PRKCH: variants seen among roughly 807,000 people sequenced by gnomAD.
The protein encoded by PRKCH is protein kinase C eta.
A neutral mutation model predicts 82.5 loss-of-function variants in PRKCH; 28 were observed. The ratio of observed to expected loss-of-function variants is 0.34; its 90% CI spans 0.25 to 0.47. The LOEUF (loss-of-function observed/expected upper bound fraction) is 0.47. PRKCH is among the 20% of genes least tolerant of loss of function. The pLI is 1.00. For missense variants in PRKCH, 705 were observed against 881.8 expected, an observed-to-expected ratio of 0.80 and a Z score of 2.54; for synonymous variants, 322 against 327.4, an observed-to-expected ratio of 0.98 and a Z score of 0.18.
At chr14:61,324,511 A>G (rs1204632981) in intron 1 of PRKCH, among the ~76,000 whole-genome samples, 2 of 152,142 alleles carry the variant, frequency 1.3e-5, no homozygotes, top group Non-Finnish European at 2.9e-5. Flanking sequence ...GATATGGAAC[A>G]TAGGTTGGGC....
chr14:61,259,752 C>G (rs1253257958), intron 1 of PRKCH, among the ~76,000 whole-genome samples: 2 of 152,042 alleles, frequency 1.3e-5, no homozygotes, highest in Non-Finnish European at 2.9e-5. Flanking sequence ...GGATTTCTAA[C>G]TAGGGTAGTT....
chr14:61,241,853 C>T lies in PRKCH; in HGVS notation c.-19+54185C>T, dbSNP rs561641364. ...TGTGGACTTAGCTCCTTGATAGAAG[C>T]GCGTTTTATGAGATGAAGCGTGTTT... is the stretch of plus-strand genomic sequence containing the variant. On this transcript the variant is annotated intron_variant, in intron 1 of 3. Coordinates refer to the PRKCH transcript ENST00000555185. 1.7e-3 allele frequency among the ~76,000 whole-genome samples: 256 copies of T among 152,210 alleles called. 7 individuals are homozygous for T. In the South Asian group the frequency reaches 0.049, roughly 29 times the overall value.
At chr14:61,408,389 A>G (rs1322559528) in intron 2 of PRKCH, among the ~76,000 whole-genome samples, 2 of 152,124 alleles carry the variant, frequency 1.3e-5, no homozygotes, top group African/African-American at 4.8e-5. Flanking sequence ...ATGCCCCCCA[A>G]AAGTTAATTT....
At chr14:61,188,586 TGTCGGGGGGGTGGGGGGGTGGTGTG>T (rs1287198816) in intron 1 of PRKCH, among the ~76,000 whole-genome samples, 7 of 67,356 alleles carry the variant, frequency 1.0e-4, no homozygotes, top group East Asian at 4.1e-4. Context: ...TGTGTGTGTG[TGTCGGGGGGGTGGGGGGGTGGTGTG>T]GTGTGTGTGT....
At chr14:61,482,977 A>T (rs1441250781) in intron 9 of PRKCH, among the ~76,000 whole-genome samples, 1 of 152,244 alleles carries the variant, frequency 6.6e-6, no homozygotes, top group African/African-American at 2.4e-5. Context: ...CCACTGACCC[A>T]GTTCCAGTAG....
Position 61,549,727 on chromosome 14 carries a change from A to C in PRKCH, c.1948A>C (p.Lys650Gln). ...DVSNFDPDFI[K>Q]EEPVLTPIDE... ...CAGTAATTTTGACCCTGACTTCATAAAGGAAGAGCCAGTTTTAACTCCAAT... is the reference window on the plus strand; with the variant it reads ...CAGTAATTTTGACCCTGACTTCATACAGGAAGAGCCAGTTTTAACTCCAAT... Residue 650 changes from lysine to glutamine, a missense_variant, in exon 14 of 14, where the codon AAG becomes CAG. Lys to Gln is a moderately conservative substitution (Grantham distance 53). This residue lies in a region of PRKCH where 91 missense variants were observed against 81.2 expected (regional missense o/e 1.12). Transcript: ENST00000332981. 1 of 1,613,880 alleles carries C rather than the reference A, an allele frequency of 6.2e-7. No homozygotes were observed. The highest frequency in any genetic ancestry group is 8.5e-7 in the Non-Finnish European group (1 of 1,180,004).
At chr14:61,437,259 A>C (rs1026027981) in intron 2 of PRKCH, among the ~76,000 whole-genome samples, 7 of 152,148 alleles carry the variant, frequency 4.6e-5, no homozygotes, top group African/African-American at 1.4e-4. Context: ...ATCATTCTTT[A>C]TGCAAGTAGT....
At chr14:61,256,351 T>C (rs2044997657) in intron 1 of PRKCH, among the ~76,000 whole-genome samples, 1 of 152,198 alleles carries the variant, frequency 6.6e-6, no homozygotes, top group Admixed American at 6.5e-5. Context: ...TATTCCATTT[T>C]CCAGTTGCTA....
chr14:61,211,807 C>T (rs750112428), intron 1 of PRKCH, among the ~76,000 whole-genome samples: 1 of 152,118 alleles, frequency 6.6e-6, no homozygotes, highest in Non-Finnish European at 1.5e-5. Context: ...GTCAAGAAGA[C>T]TTGAACAAAA....
intron 2 of PRKCH, among the ~76,000 whole-genome samples, chr14:61,398,687 G>C (rs908970950): frequency 6.6e-6 from 1 of 152,136 alleles, no homozygotes; most frequent in Non-Finnish European, 1.5e-5. Context: ...CCAACCACCA[G>C]TTAAGAGGAA....
At chr14:61,282,820 C>G (rs543697812) in intron 1 of PRKCH, among the ~76,000 whole-genome samples, 59 of 152,244 alleles carry the variant, frequency 3.9e-4, no homozygotes, top group Middle Eastern at 3.4e-3. Flanking sequence ...ACTTGAATTT[C>G]AATTCCCTCA....
At chr14:61,528,973 CGTGTGT>C (rs57920054) in intron 10 of PRKCH, 96 bp from the exon 11 acceptor site, 9,086 of 566,942 alleles carry the variant, frequency 0.016, 109 homozygotes, top group Non-Finnish European at 0.018. Context: ...TGTGGCCGCA[CGTGTGT>C]GTGTGTGTGT....
intron 10 of PRKCH, among the ~76,000 whole-genome samples, chr14:61,503,282 G>A (rs916988580): frequency 8.0e-5 from 12 of 150,238 alleles, no homozygotes; most frequent in African/African-American, 3.0e-4. Flanking sequence ...TGATTTGTAT[G>A]TGTGTTAGTG....
At chr14:61,250,891 A>T (rs1333048864) in intron 1 of PRKCH, among the ~76,000 whole-genome samples, 1 of 152,156 alleles carries the variant, frequency 6.6e-6, no homozygotes, top group Non-Finnish European at 1.5e-5. Context: ...AAACTTCTCT[A>T]AAAAAGCCAT....
intron 1 of PRKCH, among the ~76,000 whole-genome samples, chr14:61,367,866 C>T (rs2046317361): frequency 6.6e-6 from 1 of 151,866 alleles, no homozygotes; most frequent in Admixed American, 6.5e-5. Flanking sequence ...AGGAGCCCAC[C>T]ACCACGCCCG....
At chr14:61,398,407 A>G (rs1376748077) in intron 2 of PRKCH, among the ~76,000 whole-genome samples, 3 of 152,248 alleles carry the variant, frequency 2.0e-5, no homozygotes, top group Admixed American at 6.5e-5. Flanking sequence ...AAAGTATGAC[A>G]TCATCTTATG....
At chr14:61,405,480 C>T (rs1405489128) in intron 2 of PRKCH, among the ~76,000 whole-genome samples, 3 of 152,042 alleles carry the variant, frequency 2.0e-5, no homozygotes, top group East Asian at 3.9e-4. Flanking sequence ...CGGGTTCAAG[C>T]GATTCTGCTG....
chr14:61,206,678 G>A (rs1443945469), intron 1 of PRKCH, among the ~76,000 whole-genome samples: 5 of 152,172 alleles, frequency 3.3e-5, no homozygotes, highest in Non-Finnish European at 5.9e-5. Flanking sequence ...ATGAGATTGG[G>A]ATATGCAATA....
intron 9 of PRKCH, among the ~76,000 whole-genome samples, chr14:61,466,630 G>T (rs1361026844): frequency 6.6e-6 from 1 of 152,208 alleles, no homozygotes; most frequent in Non-Finnish European, 1.5e-5. Flanking sequence ...GAAGACACTT[G>T]TGGCCAGTGC....
Sources: allele counts gnomAD v4.1 joint callset (sites outside exome capture counted in the v4.1 genomes callset), GRCh38; gene constraint gnomAD v4.1.1; regional missense constraint gnomAD v4.1.1; transcripts MANE v1.5; gene names NCBI Gene and HGNC (gene_info 2026-07-23, HGNC 2026-07-21).